The following TMEM135 variants were observed in gnomAD, a reference collection of about 807,000 sequenced individuals.
TMEM135 encodes the protein peroxisomal membrane protein 52.
In TMEM135, 30 loss-of-function variants were observed where a neutral mutation model predicts 60.3. The observed-to-expected ratio is 0.50, with a 90% CI of 0.37 to 0.68. The LOEUF (loss-of-function observed/expected upper bound fraction) is 0.68, where lower values mean the gene tolerates loss of function less well. Among genes scored for constraint, TMEM135 ranks in the 30% least tolerant of loss-of-function variants. The pLI is 0.00. For missense variants in TMEM135, 468 were observed against 548.8 expected (o/e 0.85, Z 1.47); for synonymous variants, 190 against 186.7 (o/e 1.02, Z -0.14).
intron 1 of TMEM135, among the ~76,000 whole-genome samples, chr11:87,066,598 CAAAA>C (rs34204350): frequency 0.5 from 60,399 of 121,150 alleles, 13,638 homozygotes; most frequent in East Asian, 0.64. Flanking sequence ...CAGAGTTCAC[CAAAA>C]AAAAAAAAAA....
At chr11:87,279,903 A>G (rs1591164665) in intron 6 of TMEM135, among the ~76,000 whole-genome samples, 1 of 152,346 alleles carries the variant, frequency 6.6e-6, no homozygotes, top group Non-Finnish European at 1.5e-5. Context: ...CTGAGTGAAT[A>G]GTGATAAATA....
intron 5 of TMEM135, among the ~76,000 whole-genome samples, chr11:87,230,633 A>G (rs1193647380): frequency 6.6e-6 from 1 of 152,120 alleles, no homozygotes; most frequent in African/African-American, 2.4e-5. Context: ...GTGCAGATGT[A>G]TACTTTGCAG....
At chr11:87,185,802 A>G (rs1201524189) in intron 5 of TMEM135, among the ~76,000 whole-genome samples, 1 of 152,228 alleles carries the variant, frequency 6.6e-6, no homozygotes, top group Non-Finnish European at 1.5e-5. Flanking sequence ...AAAATGATGC[A>G]TTAGTTTATA....
chr11:87,075,844 A>G (rs1035178883), intron 3 of TMEM135, among the ~76,000 whole-genome samples: 1 of 151,926 alleles, frequency 6.6e-6, no homozygotes, highest in Non-Finnish European at 1.5e-5. Flanking sequence ...GGATTAAAGC[A>G]GAGATTCTTG....
chr11:87,185,884 G>C (rs1034706679), intron 5 of TMEM135, among the ~76,000 whole-genome samples: 1 of 146,272 alleles, frequency 6.8e-6, no homozygotes, highest in Non-Finnish European at 1.5e-5. Context: ...AACATATTTT[G>C]TGTGTTTCAA....
chr11:87,053,607 A>T (rs930184612), intron 1 of TMEM135, among the ~76,000 whole-genome samples: 2 of 152,144 alleles, frequency 1.3e-5, no homozygotes. Flanking sequence ...CATTACAGTT[A>T]CTTCCCTTAC....
At chr11:87,144,503 T>C (rs1366400925) in intron 4 of TMEM135, among the ~76,000 whole-genome samples, 1 of 152,246 alleles carries the variant, frequency 6.6e-6, no homozygotes, top group Admixed American at 6.5e-5. Context: ...CTGCAGGCGT[T>C]GCTTTTTTGA....
chr11:87,105,009 C>T (rs1857557191), intron 4 of TMEM135, among the ~76,000 whole-genome samples: 1 of 152,168 alleles, frequency 6.6e-6, no homozygotes, highest in Non-Finnish European at 1.5e-5. Flanking sequence ...ATCTTAGAGA[C>T]TGCTTTCAAC....
intron 5 of TMEM135, among the ~76,000 whole-genome samples, chr11:87,227,119 T>C (rs989808122): frequency 6.6e-6 from 1 of 152,124 alleles, no homozygotes; most frequent in Non-Finnish European, 1.5e-5. Context: ...CCTAAGTTTC[T>C]GGCATATTTA....
chr11:87,166,501 C>G (rs889003346), intron 5 of TMEM135, among the ~76,000 whole-genome samples: 2 of 151,574 alleles, frequency 1.3e-5, no homozygotes, highest in African/African-American at 4.9e-5. Context: ...AGGAAGGGGT[C>G]CAGTTTCAGT....
intron 1 of TMEM135, among the ~76,000 whole-genome samples, chr11:87,067,234 T>TA (rs1856684820): frequency 6.8e-6 from 1 of 147,172 alleles, no homozygotes; most frequent in Non-Finnish European, 1.5e-5. Context: ...ATATATATAT[T>TA]TTTTTTTCTT....
chr11:87,266,214 G>T (rs1045738994), intron 6 of TMEM135, among the ~76,000 whole-genome samples: 2 of 152,076 alleles, frequency 1.3e-5, no homozygotes, highest in Non-Finnish European at 2.9e-5. Context: ...TCTGCAAAGG[G>T]TAATAATTTC....
Position 87,318,170 on chromosome 11 carries a change from G to A in TMEM135, c.1111G>A (p.Val371Ile). Residue 371 changes from valine to isoleucine, a missense_variant, in exon 13 of 15, where the codon GTT becomes ATT. Coordinates refer to ENST00000305494, the MANE Select transcript of TMEM135 (RefSeq NM_022918.4). ...TTTCAAAGGCATTGAAGCAGGGAAGGTTCCCTATTTTCCTCATGCAGATAC... is the reference window on the plus strand; with the variant it reads ...TTTCAAAGGCATTGAAGCAGGGAAGATTCCCTATTTTCCTCATGCAGATAC... ...MYFKGIEAGK[V>I]PYFPHADTII... 3 of 1,612,840 alleles carry A rather than the reference G, an allele frequency of 1.9e-6. No individual in the cohort carries two copies. Among genetic ancestry groups the A allele is most frequent in the African/African-American group, 1.3e-5 (1 of 74,988 alleles).
At chr11:87,106,896 C>A (rs1477412591) in intron 4 of TMEM135, among the ~76,000 whole-genome samples, 2 of 152,154 alleles carry the variant, frequency 1.3e-5, no homozygotes, top group African/African-American at 4.8e-5. Flanking sequence ...CCTCAGGAAG[C>A]TTACAGTCAT....
intron 5 of TMEM135, among the ~76,000 whole-genome samples, chr11:87,161,289 T>G (rs1282723116): frequency 1.3e-5 from 2 of 152,192 alleles, no homozygotes; most frequent in Non-Finnish European, 2.9e-5. Context: ...GATTCAATAA[T>G]CAGTAGTTAT....
Position 87,115,453 on chromosome 11 carries a change from C to T in TMEM135, c.396+24058C>T, listed in dbSNP as rs998024319. Among the ~76,000 whole-genome samples the T allele has an allele frequency of 7.2e-5, 11 of 152,242 alleles. No homozygotes were observed. The East Asian group carries it at 2.1e-3, about 29-fold the overall frequency. On this transcript the variant is annotated intron_variant, in intron 4 of 14. Transcript: ENST00000305494. ...GCATCAGAGCTATGATTTCCCCCTA[C>T]CCCACCTAATGCCAGTCCCTCTTTA...
chr11:87,129,731 T>G (rs1025567420), intron 4 of TMEM135, among the ~76,000 whole-genome samples: 11 of 151,770 alleles, frequency 7.2e-5, no homozygotes, highest in African/African-American at 2.4e-5. Context: ...AGTAGAGATG[T>G]GGTTTTGCCA....
Position 87,252,602 on chromosome 11 carries a change from G to A in TMEM135, c.509+15918G>A, listed in dbSNP as rs868643471. Reference sequence around the variant, plus strand: ...AGCCTGACCAACATGGAGAAACCCCGTCACTACTAAAAATACAAAATTAGC... The same window carrying A: ...AGCCTGACCAACATGGAGAAACCCCATCACTACTAAAAATACAAAATTAGC... On this transcript the variant is annotated intron_variant, in intron 6 of 14. Coordinates refer to ENST00000305494, the MANE Select transcript of TMEM135 (RefSeq NM_022918.4). 7.9e-5 allele frequency among the ~76,000 whole-genome samples: 12 copies of A among 151,768 alleles called. No homozygotes were observed. In the South Asian group the frequency reaches 2.3e-3, roughly 29 times the overall value.
chr11:87,166,768 G>A (rs1200960158), intron 5 of TMEM135, among the ~76,000 whole-genome samples: 2 of 151,614 alleles, frequency 1.3e-5, no homozygotes, highest in African/African-American at 2.4e-5. Context: ...TTTTTGCTTA[G>A]GATTGTCTTG....
Sources: gnomAD v4.1 joint callset for allele counts (sites outside exome capture counted in the v4.1 genomes callset) on GRCh38, gnomAD v4.1.1 for gene constraint, MANE v1.5 for transcripts, NCBI Gene and HGNC (gene_info 2026-07-23, HGNC 2026-07-21) for gene names.